PSMD12: variants seen among roughly 807,000 people sequenced by gnomAD.
PSMD12 encodes the protein proteasome 26S subunit, non-ATPase 12.
A neutral mutation model predicts 62.9 loss-of-function variants in PSMD12; 8 were observed. That is an observed-to-expected ratio of 0.13 (90% CI 0.07 to 0.23). The LOEUF (loss-of-function observed/expected upper bound fraction) is 0.23, where lower values mean the gene tolerates loss of function less well. PSMD12 is among the 10% of genes least tolerant of loss of function. PSMD12 has a pLI of 1.00. For missense variants in PSMD12, 424 were observed against 550.2 expected (o/e 0.77, Z 2.29); for synonymous variants, 173 against 187.4 (o/e 0.92, Z 0.63).
intron 8 of PSMD12, 96 bp from the exon 9 acceptor site, chr17:67,344,876 T>C (rs574058220): frequency 9.5e-7 from 1 of 1,054,398 alleles, no homozygotes; most frequent in East Asian, 2.6e-5. Flanking sequence ...AAGACTGTTT[T>C]CGTTAAATTT....
intron 1 of PSMD12, among the ~76,000 whole-genome samples, chr17:67,361,873 TAAAAAAAAAAAAAAAAAAAAAA>T (rs530989643): frequency 1.8e-4 from 7 of 39,576 alleles, no homozygotes; most frequent in South Asian, 1.5e-3. Flanking sequence ...TCCCTGTATC[TAAAAAAAAAAAAAAAAAAAAAA>T]AAAAAAAAAA....
At chr17:67,359,401 A>G (rs912145921) in intron 1 of PSMD12, among the ~76,000 whole-genome samples, 1 of 152,200 alleles carries the variant, frequency 6.6e-6, no homozygotes, top group Non-Finnish European at 1.5e-5. Flanking sequence ...GCTAATATTA[A>G]TAACTATCAT....
intron 4 of PSMD12, among the ~76,000 whole-genome samples, chr17:67,350,000 C>T (rs11867328): frequency 0.18 from 27,137 of 152,042 alleles, 3,056 homozygotes; most frequent in South Asian, 0.32. Flanking sequence ...TGATAAGATA[C>T]CCAATTCCCA....
intron 9 of PSMD12, 99 bp downstream of exon 9, chr17:67,344,500 GTGACAAA>G: frequency 9.7e-7 from 1 of 1,034,826 alleles, no homozygotes; most frequent in Non-Finnish European, 1.4e-6. Context: ...GTTATCAAAT[GTGACAAA>G]TGAAATAGTT....
At chr17:67,357,479 A>C (rs756917344) in intron 2 of PSMD12, 40 bp downstream of exon 2, 1 of 1,612,732 alleles carries the variant, frequency 6.2e-7, no homozygotes, top group South Asian at 1.1e-5. Context: ...ATGTTCAATG[A>C]AATTAATGGT....
At chr17:67,345,658 C>A (rs185665498) in intron 8 of PSMD12, 87 bp downstream of exon 8, 790 of 1,073,914 alleles carry the variant, frequency 7.4e-4, no homozygotes, top group Middle Eastern at 3.0e-3. Flanking sequence ...AAGAAGTATA[C>A]ACAGAAGTAT....
intron 3 of PSMD12, among the ~76,000 whole-genome samples, chr17:67,356,415 G>A (rs201177094): frequency 2.1e-4 from 32 of 150,366 alleles, no homozygotes; most frequent in East Asian, 1.6e-3. Context: ...AAAATTAGCC[G>A]GGCGTGGTAG....
chr17:67,351,600 A>G (rs1241507521), intron 3 of PSMD12, among the ~76,000 whole-genome samples: 2 of 151,898 alleles, frequency 1.3e-5, no homozygotes, highest in Non-Finnish European at 2.9e-5. Context: ...TTTATTTTAG[A>G]TTCAGGGGGT....
At position 67,364,061 on chromosome 17, in the gene PSMD12, T is replaced by TA. The variant is rs1008461945; in HGVS notation, c.108+2350dup. Among the ~76,000 whole-genome samples, 4 of 150,314 alleles carry TA rather than the reference T, an allele frequency of 2.7e-5. No individual in the cohort carries two copies. In the East Asian group the frequency reaches 5.9e-4, roughly 22 times the overall value. On this transcript the variant is annotated intron_variant, in intron 1 of 10. Transcript: ENST00000356126. ...CGAAACTCTGTCTCGAAACAAAAAA[T>TA]AAAAAAAATAAATAAAAAGCAAAAC...
At chr17:67,352,557 T>C (rs1043079277) in intron 3 of PSMD12, among the ~76,000 whole-genome samples, 2 of 152,160 alleles carry the variant, frequency 1.3e-5, no homozygotes, top group African/African-American at 2.4e-5. Context: ...TTCTAAAAGC[T>C]GTGCAAAAAA....
intron 3 of PSMD12, among the ~76,000 whole-genome samples, chr17:67,351,668 C>T (rs889668487): frequency 1.3e-5 from 2 of 151,802 alleles, no homozygotes; most frequent in South Asian, 2.1e-4. Context: ...GGGCCTCTAG[C>T]GAACCTATCA....
rs193155823 is a variant in PSMD12 at position 67,351,953 on chromosome 17, C to T, written c.298-1617G>A. Among the ~76,000 whole-genome samples, 14 of 151,840 alleles carry T rather than the reference C, an allele frequency of 9.2e-5. No individual in the cohort carries two copies. In the East Asian group the frequency reaches 1.9e-3, roughly 21 times the overall value. ...CTCTACTAAAAATACAAAAATTAGC[C>T]GGGTGTGGTGGTGCATGCCTGTAGT... On this transcript the variant is annotated intron_variant, in intron 3 of 10. Transcript: ENST00000356126.
intron 3 of PSMD12, chr17:67,355,283 G>A (rs1426913509): frequency 6.6e-6 from 1 of 151,864 alleles, no homozygotes; most frequent in Non-Finnish European, 1.5e-5. Flanking sequence ...GTATAGACAG[G>A]GTTTCACAGT....
At position 67,342,369 on chromosome 17, in the gene PSMD12, G is replaced by A. The variant is rs912741259; in HGVS notation, c.1084-106C>T. The stretch of plus-strand genomic sequence containing the variant: ...AAGTTTACTTAAAATGTTAGACTCA[G>A]AGCTTTTATTTTTCTACAGTCCATC... On this transcript the variant is annotated intron_variant, in intron 9 of 10. Transcript: ENST00000356126. 6 of 743,128 alleles carry A rather than the reference G, an allele frequency of 8.1e-6. No homozygotes were observed. The African/African-American group carries it at 1.1e-4, about 13-fold the overall frequency. 46.0% of individuals were successfully genotyped at this position (743,128 alleles called of 1,614,324 possible).
At position 67,366,535 on chromosome 17, in the gene PSMD12, G is replaced by C; in HGVS notation, c.-16C>G. On this transcript the variant is annotated 5_prime_UTR_variant, in exon 1 of 11. Coordinates refer to ENST00000356126, the MANE Select transcript of PSMD12 (RefSeq NM_002816.5). ...CGTCCGCCATGGTCCCCGCCTGAGC[G>C]TCCCTTGCTGTCCCCCTGCTTCGGC... The C allele has an allele frequency of 6.3e-7, 1 of 1,587,142 alleles. No individual in the cohort carries two copies. The highest frequency in any genetic ancestry group is 2.3e-5 in the East Asian group (1 of 44,126).
At position 67,345,828 on chromosome 17, in the gene PSMD12, G is replaced by C; in HGVS notation, c.825C>G (p.Ile275Met). ...ACTGTTCATTGTCAAAAGGAGCCAG[G>C]ATAACATAGAGTACAACACTCTTCA... ...QALKSVVLYV[I>M]LAPFDNEQSD... The change falls in exon 8 of 11, where the codon ATC becomes ATG. Residue 275 changes from isoleucine (I) to methionine (M), a missense_variant. Physicochemically the swap from Ile to Met is conservative, Grantham distance 10 (BLOSUM62 1). Transcript: ENST00000356126. The C allele has an allele frequency of 6.2e-7, 1 of 1,613,640 alleles. No homozygotes were observed. Among genetic ancestry groups the C allele is most frequent in the Non-Finnish European group, 8.5e-7 (1 of 1,179,626 alleles).
At chr17:67,348,879 C>A (rs1037127517) in intron 4 of PSMD12, among the ~76,000 whole-genome samples, 1 of 152,058 alleles carries the variant, frequency 6.6e-6, no homozygotes, top group African/African-American at 2.4e-5. Context: ...ACCTTTAGTC[C>A]CAGCTACTTG....
intron 7 of PSMD12, among the ~76,000 whole-genome samples, chr17:67,346,459 G>A (rs1397840275): frequency 6.6e-6 from 1 of 151,668 alleles, no homozygotes; most frequent in Non-Finnish European, 1.5e-5. Flanking sequence ...CGGCTACTCA[G>A]GAGACTGAGG....
intron 1 of PSMD12, among the ~76,000 whole-genome samples, chr17:67,361,812 G>C (rs777638794): frequency 1.8e-4 from 24 of 134,918 alleles, no homozygotes; most frequent in South Asian, 9.4e-4. Context: ...TGCACTACCA[G>C]CTACTCAGAA....
Sources: gnomAD v4.1 joint callset for allele counts (sites outside exome capture counted in the v4.1 genomes callset) on GRCh38, gnomAD v4.1.1 for gene constraint, MANE v1.5 for transcripts, NCBI Gene and HGNC (gene_info 2026-07-23, HGNC 2026-07-21) for gene names.